Variants in GALNT2 observed in about 807,000 individuals in gnomAD.
GALNT2 encodes the protein polypeptide N-acetylgalactosaminyltransferase 2.
GALNT2 carries 31 observed loss-of-function variants against 81.4 expected under a neutral mutation model. The ratio of observed to expected loss-of-function variants is 0.38; its 90% CI spans 0.29 to 0.51. GALNT2 has a LOEUF of 0.51. GALNT2 is among the 20% of genes least tolerant of loss of function. The pLI is 0.87. For synonymous variants in GALNT2, 303 were observed against 287.4 expected, an observed-to-expected ratio of 1.05 and a Z score of -0.55; for missense variants, 629 against 765.7, an observed-to-expected ratio of 0.82 and a Z score of 2.11.
At chr1:230,215,450 C>T (rs1664359755) in intron 3 of GALNT2, among the ~76,000 whole-genome samples, 1 of 152,224 alleles carries the variant, frequency 6.6e-6, no homozygotes, top group Non-Finnish European at 1.5e-5. Context: ...CAAATAGATT[C>T]TTCAGTGTAT....
At chr1:230,126,363 T>C (rs1320892150) in intron 1 of GALNT2, among the ~76,000 whole-genome samples, 3 of 152,124 alleles carry the variant, frequency 2.0e-5, no homozygotes, top group Non-Finnish European at 4.4e-5. Flanking sequence ...CCATGCACTT[T>C]TTGGGGCCCG....
chr1:230,269,441 C>T (rs1258784627), intron 14 of GALNT2, among the ~76,000 whole-genome samples: 2 of 152,136 alleles, frequency 1.3e-5, no homozygotes, highest in Non-Finnish European at 1.5e-5. Flanking sequence ...ATGCCTCAGC[C>T]TCCCAAAGTG....
intron 1 of GALNT2, among the ~76,000 whole-genome samples, chr1:230,132,029 G>A (rs1280066226): frequency 6.6e-6 from 1 of 152,196 alleles, no homozygotes; most frequent in African/African-American, 2.4e-5. Flanking sequence ...GGCTGTAGAA[G>A]CTTAGGGGGG....
Position 230,124,065 on chromosome 1 carries a change from CT to C in GALNT2, c.127-54150del, listed in dbSNP as rs558878751. 2.9e-4 allele frequency among the ~76,000 whole-genome samples: 44 copies of C among 152,296 alleles called. No homozygotes were observed. The South Asian group carries it at 8.7e-3, about 30-fold the overall frequency. ...TGACCTGAAGATATGACTCCCTGTC[CT>C]TTGGACTAAGTGGCCTTTAAACCAG... On this transcript the variant is annotated intron_variant, in intron 1 of 15. Coordinates refer to ENST00000366672, the MANE Select transcript of GALNT2 (RefSeq NM_004481.5).
chr1:230,120,802 G>A (rs1660993427), intron 1 of GALNT2, among the ~76,000 whole-genome samples: 1 of 152,144 alleles, frequency 6.6e-6, no homozygotes, highest in Non-Finnish European at 1.5e-5. Context: ...GCCCCAGGTC[G>A]TCACACATGG....
At chr1:230,165,791 AG>A (rs756340192) in intron 1 of GALNT2, among the ~76,000 whole-genome samples, 60 of 152,290 alleles carry the variant, frequency 3.9e-4, no homozygotes, top group Non-Finnish European at 6.2e-4. Flanking sequence ...AGAGGGAGGG[AG>A]GCCCTCGGAG....
At chr1:230,252,306 C>A (rs182559127) in intron 10 of GALNT2, among the ~76,000 whole-genome samples, 1 of 152,180 alleles carries the variant, frequency 6.6e-6, no homozygotes, top group Non-Finnish European at 1.5e-5. Context: ...ACCTCCTCAA[C>A]GTGTGCCCCG....
chr1:230,244,152 C>T (rs1665293816), intron 7 of GALNT2, among the ~76,000 whole-genome samples: 1 of 151,806 alleles, frequency 6.6e-6, no homozygotes, highest in African/African-American at 2.4e-5. Context: ...AGTAGTTCTG[C>T]CTAAGCATAG....
chr1:230,256,001 G>A (rs1665702342), intron 11 of GALNT2, among the ~76,000 whole-genome samples: 1 of 152,170 alleles, frequency 6.6e-6, no homozygotes, highest in South Asian at 2.1e-4. Flanking sequence ...GGGTCTTCTT[G>A]ATGTGTCATC....
intron 2 of GALNT2, among the ~76,000 whole-genome samples, chr1:230,179,363 G>A (rs949508839): frequency 6.6e-6 from 1 of 152,126 alleles, no homozygotes; most frequent in Admixed American, 6.5e-5. Flanking sequence ...GCTGAGTTTT[G>A]TAAGAAACTG....
rs200426204 is a variant in GALNT2 at position 230,236,346 on chromosome 1, T to G, written c.474-7T>G. The G allele has an allele frequency of 1.2e-6, 2 of 1,613,596 alleles. No homozygotes were observed. The highest frequency in any genetic ancestry group is 2.7e-5 in the African/African-American group (2 of 75,010). On this transcript the variant is annotated splice_polypyrimidine_tract_variant and splice_region_variant and intron_variant, in intron 4 of 15. Coordinates refer to ENST00000366672, the MANE Select transcript of GALNT2 (RefSeq NM_004481.5). ...CCTATAAACTTTATCTTCTTGTCTT[T>G]TCTTAGCGTGCTTAAGAAAAGCCCG...
intron 1 of GALNT2, among the ~76,000 whole-genome samples, chr1:230,147,786 T>G (rs60099055): frequency 0.044 from 6,772 of 152,262 alleles, 613 homozygotes; most frequent in East Asian, 0.42. Flanking sequence ...GTCTCCTGAG[T>G]GAGGGCCTCA....
intron 1 of GALNT2, among the ~76,000 whole-genome samples, chr1:230,135,241 G>A (rs1311459215): frequency 6.6e-6 from 1 of 151,948 alleles, no homozygotes; most frequent in East Asian, 1.9e-4. Flanking sequence ...TAGACTCGGG[G>A]GTGGGGATGC....
Position 230,279,198 on chromosome 1 carries a change from T to C in GALNT2, c.1561-105T>C, listed in dbSNP as rs1666370106. 1.6e-6 allele frequency: 2 copies of C among 1,245,666 alleles called. No individual in the cohort carries two copies. The highest frequency in any genetic ancestry group is 5.0e-5 in the Admixed American group (2 of 40,112). The allele number at this position is 1,245,666 out of a possible 1,614,324, so 77.2% of individuals were successfully genotyped here. A position where few individuals can be genotyped will look rare whatever the true frequency, so the allele number is the denominator to read the frequency against. On this transcript the variant is annotated intron_variant, in intron 15 of 15. Transcript: ENST00000366672. This position sits in a 1 kb window ranked among gnomAD's most constrained non-coding sequence, Gnocchi z 4.6. Reference sequence around the variant, plus strand: ...GATGAGAGGCTGGGAAAAACGTGTCTATCTGTGAGTTTTTAATGCAGCCAC... The same window carrying C: ...GATGAGAGGCTGGGAAAAACGTGTCCATCTGTGAGTTTTTAATGCAGCCAC...
intron 1 of GALNT2, among the ~76,000 whole-genome samples, chr1:230,159,971 C>T (rs1662380464): frequency 6.6e-6 from 1 of 152,178 alleles, no homozygotes; most frequent in African/African-American, 2.4e-5. Context: ...GGGGAGTCCT[C>T]TCTGTGGGGT....
chr1:230,279,754 A>G lies in GALNT2; in HGVS notation c.*296A>G, dbSNP rs1357837106. 1 of 515,456 alleles carries G rather than the reference A, an allele frequency of 1.9e-6. No individual in the cohort carries two copies. Among genetic ancestry groups the G allele is most frequent in the Non-Finnish European group, 3.7e-6 (1 of 269,784 alleles). 31.9% of individuals were successfully genotyped at this position (515,456 alleles called of 1,614,324 possible). On this transcript the variant is annotated 3_prime_UTR_variant, in exon 16 of 16. Transcript: ENST00000366672. This position sits in a 1 kb window ranked among gnomAD's most constrained non-coding sequence, Gnocchi z 4.6. Reference sequence around the variant, plus strand: ...TCTGCCGGCTCCGCAACTGAGTGACACCCAGCGACAACCGACTGGGGAGTG... The same window carrying G: ...TCTGCCGGCTCCGCAACTGAGTGACGCCCAGCGACAACCGACTGGGGAGTG...
Position 230,193,044 on chromosome 1 carries a change from A to C in GALNT2, c.221-10093A>C, listed in dbSNP as rs1460333941. Among the ~76,000 whole-genome samples the C allele has an allele frequency of 6.6e-6, 1 of 152,192 alleles. No individual in the cohort carries two copies. The highest frequency in any genetic ancestry group is 1.5e-5 in the Non-Finnish European group (1 of 68,040). On this transcript the variant is annotated intron_variant, in intron 2 of 15. Coordinates refer to ENST00000366672, the MANE Select transcript of GALNT2 (RefSeq NM_004481.5). This position sits in a 1 kb window ranked among gnomAD's most constrained non-coding sequence, Gnocchi z 4.3. Reference sequence around the variant, plus strand: ...GATTTTTTTTCTTTTAAGCACAGTAAAATTACATTCAATTTGAGATCAACC... The same window carrying C: ...GATTTTTTTTCTTTTAAGCACAGTACAATTACATTCAATTTGAGATCAACC...
chr1:230,089,700 C>T (rs914992624), intron 1 of GALNT2, among the ~76,000 whole-genome samples: 1 of 152,174 alleles, frequency 6.6e-6, no homozygotes, highest in African/African-American at 2.4e-5. Context: ...TTTCACTTAG[C>T]ATAATACCTA....
At chr1:230,136,662 G>C (rs1661554696) in intron 1 of GALNT2, among the ~76,000 whole-genome samples, 1 of 152,172 alleles carries the variant, frequency 6.6e-6, no homozygotes, top group Non-Finnish European at 1.5e-5. Context: ...GTCTGAGAGA[G>C]GACTTCAGAA....
Sources: allele counts gnomAD v4.1 joint callset (sites outside exome capture counted in the v4.1 genomes callset), GRCh38; gene constraint gnomAD v4.1.1; non-coding constraint Gnocchi (gnomAD v3.1); transcripts MANE v1.5; gene names NCBI Gene and HGNC (gene_info 2026-07-23, HGNC 2026-07-21).